Variants in DYNLL2 observed in about 807,000 individuals in gnomAD.
DYNLL2 encodes dynein light chain 2, cytoplasmic.
A neutral mutation model predicts 9.7 loss-of-function variants in DYNLL2; 1 was observed. That is an observed-to-expected ratio of 0.10 (90% CI 0.04 to 0.49). The LOEUF (loss-of-function observed/expected upper bound fraction) is 0.49. Ranked by LOEUF, DYNLL2 falls within the 20% of genes least tolerant of loss-of-function variation. DYNLL2 has a pLI of 0.95. For missense variants in DYNLL2, 37 were observed against 115.2 expected (o/e 0.32, Z 3.11); for synonymous variants, 35 against 40.5 (o/e 0.86, Z 0.52).
intron 2 of DYNLL2, among the ~76,000 whole-genome samples, chr17:58,088,398 G>T (rs1232022013): frequency 6.6e-6 from 1 of 152,234 alleles, no homozygotes; most frequent in Non-Finnish European, 1.5e-5. Context: ...TGGCAGCGTT[G>T]GTGGGCCCAT....
chr17:58,084,217 C>T lies in DYNLL2; in HGVS notation c.-10+534C>T, dbSNP rs567996773. On this transcript the variant is annotated intron_variant, in intron 1 of 2. Transcript: ENST00000579991. ...GAGGTCGGGGGGAAGGAGGATGCTT[C>T]CTCGTTCCCCAGGTGCTGCCCTTCG... Among the ~76,000 whole-genome samples the T allele has an allele frequency of 3.3e-5, 5 of 151,980 alleles. No individual in the cohort carries two copies. In the East Asian group the frequency reaches 9.7e-4, roughly 30 times the overall value.
At chr17:58,087,289 G>C in intron 2 of DYNLL2, 67 bp downstream of exon 2, 1 of 1,592,424 alleles carries the variant, frequency 6.3e-7, no homozygotes, top group Non-Finnish European at 8.6e-7. Context: ...CCTCCAGGGA[G>C]ATCTGGAGCT....
rs766396958 is a variant in DYNLL2 at position 58,094,739 on chromosome 17, T to C, written c.*5460T>C. The C allele has an allele frequency of 1.3e-5, 2 of 152,234 alleles. No individual in the cohort carries two copies. The highest frequency in any genetic ancestry group is 2.9e-5 in the Non-Finnish European group (2 of 68,058). The allele number at this position is 152,234 out of a possible 1,614,324, so 9.4% of individuals were successfully genotyped here. A position where few individuals can be genotyped will look rare whatever the true frequency, so the allele number is the denominator to read the frequency against. ...TTTTTATCACCCCCAAAAGAAATCA[T>C]GTACCCATTTGCAGTCACTTGCCAT... On this transcript the variant is annotated 3_prime_UTR_variant, in exon 3 of 3. Coordinates refer to ENST00000579991, the MANE Select transcript of DYNLL2 (RefSeq NM_080677.3).
Position 58,093,909 on chromosome 17 carries a change from G to GTGGGCT in DYNLL2, c.*4634_*4639dup, listed in dbSNP as rs1409784347. 1 of 152,204 alleles carries GTGGGCT rather than the reference G, an allele frequency of 6.6e-6. No individual in the cohort carries two copies. Among genetic ancestry groups the GTGGGCT allele is most frequent in the Non-Finnish European group, 1.5e-5 (1 of 68,058 alleles). 9.4% of individuals were successfully genotyped at this position (152,204 alleles called of 1,614,324 possible). On this transcript the variant is annotated 3_prime_UTR_variant, in exon 3 of 3. Coordinates refer to ENST00000579991, the MANE Select transcript of DYNLL2 (RefSeq NM_080677.3). The stretch of plus-strand genomic sequence containing the variant: ...CTGTGTGTCTCTCTCTGTGATGTAT[G>GTGGGCT]TGGGCTTGGTGTCCACATCAATGTG...
rs2075785625 is a variant in DYNLL2 at position 58,092,941 on chromosome 17, C to T, written c.*3662C>T. 6.6e-6 allele frequency: 1 copy of T among 152,262 alleles called. No homozygotes were observed. Among genetic ancestry groups the T allele is most frequent in the Non-Finnish European group, 1.5e-5 (1 of 68,042 alleles). The allele number at this position is 152,262 out of a possible 1,614,324, so 9.4% of individuals were successfully genotyped here. A position where few individuals can be genotyped will look rare whatever the true frequency, so the allele number is the denominator to read the frequency against. ...TGACATCCTGTGCAAGATAGCACCTCTCCCCCATCGCTGTTATCCTTACCC... is the reference window on the plus strand; with the variant it reads ...TGACATCCTGTGCAAGATAGCACCTTTCCCCCATCGCTGTTATCCTTACCC... On this transcript the variant is annotated 3_prime_UTR_variant, in exon 3 of 3. Transcript: ENST00000579991.
intron 1 of DYNLL2, among the ~76,000 whole-genome samples, chr17:58,084,719 G>T (rs535696895): frequency 1.6e-4 from 25 of 152,228 alleles, no homozygotes; most frequent in African/African-American, 6.0e-4. Context: ...TAACAAAGTT[G>T]CTCCTTTGGA....
Position 58,089,844 on chromosome 17 carries a change from G to A in DYNLL2, c.*565G>A, listed in dbSNP as rs913623367. ...GATTCTATGGCTTGGGGCGGAGGGT[G>A]GGGTGGGGATGCCTTCTTTAGGGGC... is the stretch of plus-strand genomic sequence containing the variant. On this transcript the variant is annotated 3_prime_UTR_variant, in exon 3 of 3. Coordinates refer to ENST00000579991, the MANE Select transcript of DYNLL2 (RefSeq NM_080677.3). 3 of 398,732 alleles carry A rather than the reference G, an allele frequency of 7.5e-6. No individual in the cohort carries two copies. The highest frequency in any genetic ancestry group is 8.8e-5 in the Admixed American group (2 of 22,714). 24.7% of individuals were successfully genotyped at this position (398,732 alleles called of 1,614,324 possible).
chr17:58,092,958 T>C lies in DYNLL2; in HGVS notation c.*3679T>C, dbSNP rs1469422785. ...TAGCACCTCTCCCCCATCGCTGTTA[T>C]CCTTACCCAGTTTAATTCCACGTAG... On this transcript the variant is annotated 3_prime_UTR_variant, in exon 3 of 3. Coordinates refer to ENST00000579991, the MANE Select transcript of DYNLL2 (RefSeq NM_080677.3). The C allele has an allele frequency of 6.6e-6, 1 of 152,262 alleles. No homozygotes were observed. The highest frequency in any genetic ancestry group is 2.4e-5 in the African/African-American group (1 of 41,462). The allele number at this position is 152,262 out of a possible 1,614,324, so 9.4% of individuals were successfully genotyped here.
intron 1 of DYNLL2, among the ~76,000 whole-genome samples, chr17:58,086,333 C>T (rs374954147): frequency 6.6e-6 from 1 of 152,220 alleles, no homozygotes; most frequent in Non-Finnish European, 1.5e-5. Flanking sequence ...ACTCTGCTAT[C>T]GTAGCATGTT....
chr17:58,086,551 A>G (rs748916146), intron 1 of DYNLL2, among the ~76,000 whole-genome samples: 3 of 152,220 alleles, frequency 2.0e-5, no homozygotes, highest in Non-Finnish European at 4.4e-5. Flanking sequence ...CACGAGAGAT[A>G]AACTCAGGAC....
At position 58,087,333 on chromosome 17, in the gene DYNLL2, G is replaced by A. The variant is rs759226366; in HGVS notation, c.132+111G>A. 4.8e-4 allele frequency: 693 copies of A among 1,455,112 alleles called. 1 individual carries two copies. Among genetic ancestry groups the A allele is most frequent in the Non-Finnish European group, 5.6e-4 (606 of 1,085,740 alleles). 90.1% of individuals were successfully genotyped at this position (1,455,112 alleles called of 1,614,324 possible). A position where few individuals can be genotyped will look rare whatever the true frequency, so the allele number is the denominator to read the frequency against. On this transcript the variant is annotated intron_variant, in intron 2 of 2. Coordinates refer to ENST00000579991, the MANE Select transcript of DYNLL2 (RefSeq NM_080677.3). ...AAGAAAGCCCGTATATCCTGTGCAA[G>A]CAAAACCCTAGGAACTTGCAAAGCA...
intron 2 of DYNLL2, among the ~76,000 whole-genome samples, chr17:58,088,498 T>C (rs946752350): frequency 1.3e-5 from 2 of 152,218 alleles, no homozygotes; most frequent in Non-Finnish European, 2.9e-5. Context: ...GGGAGCTGAT[T>C]AGCTCTAAAG....
At chr17:58,087,648 C>T (rs1015774673) in intron 2 of DYNLL2, among the ~76,000 whole-genome samples, 25 of 152,188 alleles carry the variant, frequency 1.6e-4, no homozygotes, top group Admixed American at 6.5e-5. Context: ...TAATCCTCAT[C>T]ATGTAGGAGG....
chr17:58,088,166 C>T (rs1444479105), intron 2 of DYNLL2, among the ~76,000 whole-genome samples: 1 of 28,384 alleles, frequency 3.5e-5, no homozygotes, highest in Admixed American at 7.8e-4. Flanking sequence ...CTCTGAGAGC[C>T]AGAAGAATCC....
At position 58,092,082 on chromosome 17, in the gene DYNLL2, G is replaced by T. The variant is rs1162272630; in HGVS notation, c.*2803G>T. The T allele has an allele frequency of 1.3e-5, 2 of 152,232 alleles. No individual in the cohort carries two copies. Among genetic ancestry groups the T allele is most frequent in the African/African-American group, 2.4e-5 (1 of 41,450 alleles). 9.4% of individuals were successfully genotyped at this position (152,232 alleles called of 1,614,324 possible). A position where few individuals can be genotyped will look rare whatever the true frequency, so the allele number is the denominator to read the frequency against. The stretch of plus-strand genomic sequence containing the variant: ...AATGAGCTATTGAGTGTTGGAGGTA[G>T]GTAGATAGGGTTCCTCCAGTTAGGA... On this transcript the variant is annotated 3_prime_UTR_variant, in exon 3 of 3. Coordinates refer to ENST00000579991, the MANE Select transcript of DYNLL2 (RefSeq NM_080677.3).
Position 58,083,450 on chromosome 17 carries a change from C to A in DYNLL2, c.-243C>A, listed in dbSNP as rs1168598777. 1 of 57,348 alleles carries A rather than the reference C, an allele frequency of 1.7e-5. No individual in the cohort carries two copies. The highest frequency in any genetic ancestry group is 5.2e-5 in the African/African-American group (1 of 19,324). 3.6% of individuals were successfully genotyped at this position (57,348 alleles called of 1,614,324 possible). ...AGAGCGGAGCGGAGCTGTGAGGCGC[C>A]AGTGCGGAGCGGGCGGGCGGGCGGG... On this transcript the variant is annotated 5_prime_UTR_variant, in exon 1 of 3. Transcript: ENST00000579991.
At position 58,090,047 on chromosome 17, in the gene DYNLL2, C is replaced by T. The variant is rs1014185180; in HGVS notation, c.*768C>T. ...TTAGCTTGAATCTTTTTTTTCTTTA[C>T]ATTTTTCTCCTGTCTGCTCCCTGCT... On this transcript the variant is annotated 3_prime_UTR_variant, in exon 3 of 3. Transcript: ENST00000579991. 18 of 396,408 alleles carry T rather than the reference C, an allele frequency of 4.5e-5. No homozygotes were observed. Among genetic ancestry groups the T allele is most frequent in the Non-Finnish European group, 7.5e-5 (17 of 225,376 alleles). The allele number at this position is 396,408 out of a possible 1,614,324, so 24.6% of individuals were successfully genotyped here.
Position 58,090,606 on chromosome 17 carries a change from A to G in DYNLL2, c.*1327A>G, listed in dbSNP as rs1342241658. 1.3e-5 allele frequency: 2 copies of G among 152,758 alleles called. No individual in the cohort carries two copies. Among genetic ancestry groups the G allele is most frequent in the Non-Finnish European group, 2.9e-5 (2 of 68,506 alleles). The allele number at this position is 152,758 out of a possible 1,614,324, so 9.5% of individuals were successfully genotyped here. ...GTGAGGATAGAAGTGATAAAGAGCT[A>G]AGAGGAGCTTCTGGGAGCCTTGGAG... On this transcript the variant is annotated 3_prime_UTR_variant, in exon 3 of 3. Transcript: ENST00000579991.
intron 1 of DYNLL2, among the ~76,000 whole-genome samples, chr17:58,085,454 T>C (rs887306326): frequency 2.6e-5 from 4 of 152,286 alleles, no homozygotes; most frequent in Admixed American, 1.3e-4. Flanking sequence ...TTCCATCAGA[T>C]AGAGCTGGAA....
Sources: gnomAD v4.1 joint callset for allele counts (sites outside exome capture counted in the v4.1 genomes callset) on GRCh38, gnomAD v4.1.1 for gene constraint, MANE v1.5 for transcripts, NCBI Gene and HGNC (gene_info 2026-07-23, HGNC 2026-07-21) for gene names.